The following ZFHX2 variants were observed in gnomAD, a reference collection of about 807,000 sequenced individuals.
ZFHX2 encodes the protein zinc finger homeobox 2, also known as zinc finger homeobox protein 2.
A neutral mutation model predicts 164.8 loss-of-function variants in ZFHX2; 75 were observed. That is an observed-to-expected ratio of 0.46 (90% confidence interval 0.38 to 0.55). ZFHX2 has a LOEUF of 0.55. Ranked by LOEUF, ZFHX2 falls within the 20% of genes least tolerant of loss-of-function variation. The pLI is 0.00. For missense variants in ZFHX2, 2,933 were observed against 3,308.0 expected, an observed-to-expected ratio of 0.89 and a Z score of 2.78; for synonymous variants, 1,217 against 1,351.4, an observed-to-expected ratio of 0.90 and a Z score of 2.18.
At chr14:23,547,408 G>C (rs1881503786) in intron 1 of ZFHX2, among the ~76,000 whole-genome samples, 1 of 152,200 alleles carries the variant, frequency 6.6e-6, no homozygotes, top group African/African-American at 2.4e-5. Context: ...GAATGGGGTG[G>C]GGATGCTACT....
At chr14:23,540,940 C>T (rs1204797537) in intron 1 of ZFHX2, among the ~76,000 whole-genome samples, 1 of 151,706 alleles carries the variant, frequency 6.6e-6, no homozygotes, top group East Asian at 1.9e-4. Flanking sequence ...GAGTCTCGCT[C>T]TGTCACCCAG....
In ZFHX2 at chr14:23,534,230, C is replaced by T. The variant is rs1330795565; in HGVS notation, c.1096G>A (p.Ala366Thr). ...SPTQAKESPV[A>T]AGEAGPDWFP... ...CAATCTGGCCCTGCCTCGCCTGCTG[C>T]TACTGGCGATTCTTTGGCTTGGGTT... Residue 366 changes from alanine to threonine, a missense_variant, in exon 2 of 10, where the codon GCA becomes ACA. Ala to Thr is a moderately conservative substitution (Grantham distance 58). Coordinates refer to ENST00000419474, the MANE Select transcript of ZFHX2 (RefSeq NM_033400.3). This position sits in a 1 kb window ranked among gnomAD's most constrained non-coding sequence, Gnocchi z 4.5. The T allele has an allele frequency of 1.3e-6, 2 of 1,516,894 alleles. No individual in the cohort carries two copies. Among genetic ancestry groups the T allele is most frequent in the Non-Finnish European group, 1.8e-6 (2 of 1,136,196 alleles). The allele number at this position is 1,516,894 out of a possible 1,614,324, so 94.0% of individuals were successfully genotyped here. A position where few individuals can be genotyped will look rare whatever the true frequency, so the allele number is the denominator to read the frequency against.
In ZFHX2 at chr14:23,520,907, G is replaced by C. The variant is rs528813618; in HGVS notation, c.*1055C>G. On this transcript the variant is annotated 3_prime_UTR_variant, in exon 10 of 10. Transcript: ENST00000419474. The surrounding 1 kb of genome is among the most constrained non-coding windows in gnomAD (Gnocchi z 8.7). ...TTTTTTCTGTATTTTCCAAGTTTAC[G>C]TTTTTCTTTAGTTCATTCCTCTGGT... is the stretch of plus-strand genomic sequence containing the variant. The C allele has an allele frequency of 1.3e-5, 2 of 150,000 alleles. No individual in the cohort carries two copies. The highest frequency in any genetic ancestry group is 2.5e-5 in the African/African-American group (1 of 40,378). 9.3% of individuals were successfully genotyped at this position (150,000 alleles called of 1,614,324 possible).
In ZFHX2 at chr14:23,535,413, C is replaced by T; in HGVS notation, c.-49-39G>A. 1 of 1,397,110 alleles carries T rather than the reference C, an allele frequency of 7.2e-7. No individual in the cohort carries two copies. Among genetic ancestry groups the T allele is most frequent in the Non-Finnish European group, 9.3e-7 (1 of 1,075,890 alleles). The allele number at this position is 1,397,110 out of a possible 1,614,324, so 86.5% of individuals were successfully genotyped here. ...AGGAGAGAGCAGTGCTGTGAGGCTG[C>T]AGGGACCCCAGCTGGGCAGCTGGAT... On this transcript the variant is annotated intron_variant, in intron 1 of 9. Coordinates refer to ENST00000419474, the MANE Select transcript of ZFHX2 (RefSeq NM_033400.3). The surrounding 1 kb of genome is among the most constrained non-coding windows in gnomAD (Gnocchi z 4.5).
intron 7 of ZFHX2, 139 bp from the exon 8 acceptor site, chr14:23,527,112 A>G: frequency 7.7e-7 from 1 of 1,295,648 alleles, no homozygotes; most frequent in South Asian, 1.9e-5. Context: ...CAAACCTCCC[A>G]CCTAATTGCT....
intron 7 of ZFHX2, among the ~76,000 whole-genome samples, chr14:23,527,349 C>T (rs1239583738): frequency 6.6e-6 from 1 of 152,188 alleles, no homozygotes; most frequent in Non-Finnish European, 1.5e-5. Flanking sequence ...TCTCTAAAAT[C>T]CAACTTCAAA....
chr14:23,533,026 T>A lies in ZFHX2; in HGVS notation c.2100A>T (p.Ser700=), dbSNP rs987293187. Residue 700 remains serine (S), a synonymous_variant, in exon 3 of 10, where the codon TCA becomes TCT. Transcript: ENST00000419474. This position sits in a 1 kb window ranked among gnomAD's most constrained non-coding sequence, Gnocchi z 4.8. ...HLPPSQLLGS[S]SDSLPTSPPP... ...GTGGTGAGGTGGGCAGGCTGTCAGA[T>A]GAGGAACCCAGGAGCTGACTTGGAG... 7 of 1,535,790 alleles carry A rather than the reference T, an allele frequency of 4.6e-6. No homozygotes were observed. The Admixed American group carries it at 1.4e-4, about 30-fold the overall frequency.
rs1445773665 is a variant in ZFHX2 at position 23,532,863 on chromosome 14, C to A, written c.2263G>T (p.Gly755Cys). ...LPEAEWKEVA[G>C]DTHRCKLCCY... is the part of the protein sequence containing the mutation. ...CAAAGCTTGCAGCGGTGGGTGTCAC[C>A]AGCCACCTCCTTCCATTCAGCTTCC... Residue 755 changes from glycine (G) to cysteine (C), a missense_variant, in exon 3 of 10, where the codon GGT (glycine) becomes TGT (cysteine). By Grantham distance (159) the Gly-to-Cys change is radical. Coordinates refer to ENST00000419474, the MANE Select transcript of ZFHX2 (RefSeq NM_033400.3). The A allele has an allele frequency of 6.5e-7, 1 of 1,536,118 alleles. No homozygotes were observed. The highest frequency in any genetic ancestry group is 2.4e-5 in the East Asian group (1 of 40,934).
chr14:23,552,123 T>TC (rs988320033), upstream of ZFHX2, among the ~76,000 whole-genome samples: 4 of 151,356 alleles, frequency 2.6e-5, no homozygotes, highest in Non-Finnish European at 5.9e-5. Flanking sequence ...CTCCCCCATC[T>TC]CCCCCCGCGA....
intron 1 of ZFHX2, among the ~76,000 whole-genome samples, chr14:23,538,683 C>T (rs74867448): frequency 0.016 from 2,403 of 152,174 alleles, 66 homozygotes; most frequent in African/African-American, 0.055. Flanking sequence ...ACAAGGCGAC[C>T]CCTGAAAGGC....
rs766572697 is a variant in ZFHX2 at position 23,522,236 on chromosome 14, C to A, written c.7445G>T (p.Gly2482Val). ...SFCFFGRGSG[G>V]SMPPPLRVPI... Reference sequence around the variant, plus strand: ...CACCCGCAATGGGGGTGGCATGGAGCCCCCAGAGCCCCGCCCAAAGAAGCA... The same window carrying A: ...CACCCGCAATGGGGGTGGCATGGAGACCCCAGAGCCCCGCCCAAAGAAGCA... The change falls in exon 10 of 10, where the codon GGC becomes GTC. Residue 2482 changes from glycine to valine, a missense_variant. Coordinates refer to ENST00000419474, the MANE Select transcript of ZFHX2 (RefSeq NM_033400.3). The A allele has an allele frequency of 6.8e-6, 10 of 1,474,818 alleles. No homozygotes were observed. Among genetic ancestry groups the A allele is most frequent in the Non-Finnish European group, 9.0e-6 (10 of 1,115,216 alleles). The allele number at this position is 1,474,818 out of a possible 1,614,324, so 91.4% of individuals were successfully genotyped here. A position where few individuals can be genotyped will look rare whatever the true frequency, so the allele number is the denominator to read the frequency against.
rs1172822996 is a variant in ZFHX2 at position 23,523,867 on chromosome 14, G to A, written c.6075C>T (p.Leu2025=). The A allele has an allele frequency of 6.5e-7, 1 of 1,536,186 alleles. No homozygotes were observed. The highest frequency in any genetic ancestry group is 2.0e-5 in the Admixed American group (1 of 51,000). Residue 2025 remains leucine (L), a synonymous_variant, in exon 9 of 10, where the codon CTC becomes CTT. Transcript: ENST00000419474. The surrounding 1 kb of genome is among the most constrained non-coding windows in gnomAD (Gnocchi z 4.1). The part of the protein sequence containing the change: ...KASPESEACS[L]SAGDLSDSSA... ...ATGAATCACTCAGATCTCCTGCAGA[G>A]AGACTGCAAGCCTCACTCTCTGGAG... is the stretch of plus-strand genomic sequence containing the variant.
Position 23,525,302 on chromosome 14 carries a change from T to A in ZFHX2, c.4640A>T (p.His1547Leu). 1 of 1,535,928 alleles carries A rather than the reference T, an allele frequency of 6.5e-7. No individual in the cohort carries two copies. The highest frequency in any genetic ancestry group is 8.7e-7 in the Non-Finnish European group (1 of 1,146,858). ...TGGGACCAGGAAGGGTGGGCCCAGA[T>A]GGGGAACAGGTGAATCCAGAGACCC... ...PDGSLDSPVP[H>L]LGPPFLVPEP... Residue 1547 changes from histidine to leucine, a missense_variant, in exon 9 of 10, where the codon CAT becomes CTT. Transcript: ENST00000419474. This position sits in a 1 kb window ranked among gnomAD's most constrained non-coding sequence, Gnocchi z 5.9.
rs538731932 is a variant in ZFHX2, at chr14:23,522,811, T to C, written c.6870A>G (p.Thr2290=). The change falls in exon 10 of 10, where the codon ACA becomes ACG. Residue 2290 remains threonine, a synonymous_variant. Coordinates refer to ENST00000419474, the MANE Select transcript of ZFHX2 (RefSeq NM_033400.3). ...CTGGGACAGGGTCAGTGGTGCCTGCTGTGGAGGTGTTGGTTTGGTCGGGCA... is the reference window on the plus strand; with the variant it reads ...CTGGGACAGGGTCAGTGGTGCCTGCCGTGGAGGTGTTGGTTTGGTCGGGCA... The part of the protein sequence containing the change: ...RPMPDQTNTS[T]AGTTDPVPGP... The C allele has an allele frequency of 1.6e-5, 25 of 1,535,976 alleles. No individual in the cohort carries two copies. The East Asian group carries it at 6.1e-4, about 38-fold the overall frequency.
At chr14:23,550,246 T>C (rs182559014) in intron 1 of ZFHX2, among the ~76,000 whole-genome samples, 78 of 152,326 alleles carry the variant, frequency 5.1e-4, no homozygotes, top group Non-Finnish European at 1.5e-4. Context: ...GTCCTGGCCA[T>C]GCTGAAGGCA....
In ZFHX2 at chr14:23,523,174, G is replaced by T. The variant is rs150749465; in HGVS notation, c.6739+29C>A. On this transcript the variant is annotated intron_variant, in intron 9 of 9. Transcript: ENST00000419474. This position sits in a 1 kb window ranked among gnomAD's most constrained non-coding sequence, Gnocchi z 4.1. Reference sequence around the variant, plus strand: ...TCATTAGAGGGGGATGTTCTCTGAAGTCCAGCTCCTCCCAGCCTCCCTACT... The same window carrying T: ...TCATTAGAGGGGGATGTTCTCTGAATTCCAGCTCCTCCCAGCCTCCCTACT... 7.4e-5 allele frequency: 104 copies of T among 1,413,446 alleles called. 1 individual carries two copies. The East Asian group carries it at 2.5e-3, about 34-fold the overall frequency. The allele number at this position is 1,413,446 out of a possible 1,614,324, so 87.6% of individuals were successfully genotyped here. A position where few individuals can be genotyped will look rare whatever the true frequency, so the allele number is the denominator to read the frequency against.
chr14:23,528,797 TC>T (rs1879128006), intron 6 of ZFHX2: 6 of 985,378 alleles, frequency 6.1e-6, no homozygotes, highest in Non-Finnish European at 7.2e-6. Flanking sequence ...CAGCCACACT[TC>T]CAGAGGGGTG....
chr14:23,536,461 A>G (rs1308472875), intron 1 of ZFHX2, among the ~76,000 whole-genome samples: 1 of 152,178 alleles, frequency 6.6e-6, no homozygotes, highest in African/African-American at 2.4e-5. Context: ...TGTGGAACAG[A>G]TGGGAGCTTC....
chr14:23,535,208 C>A lies in ZFHX2; in HGVS notation c.118G>T (p.Asp40Tyr). ...SSTPSDPVTK[D>Y]PPAASSTSEN... Reference sequence around the variant, plus strand: ...GAGGTGGAGGAGGCAGCAGGGGGATCTTTGGTGACAGGATCAGAGGGGGTG... The same window carrying A: ...GAGGTGGAGGAGGCAGCAGGGGGATATTTGGTGACAGGATCAGAGGGGGTG... The change falls in exon 2 of 10, where the codon GAT becomes TAT. Residue 40 changes from aspartate (D) to tyrosine (Y), a missense_variant. By Grantham distance (160) the Asp-to-Tyr change is radical. Transcript: ENST00000419474. The surrounding 1 kb of genome is among the most constrained non-coding windows in gnomAD (Gnocchi z 4.5). The A allele has an allele frequency of 6.5e-7, 1 of 1,529,040 alleles. No individual in the cohort carries two copies. Among genetic ancestry groups the A allele is most frequent in the Non-Finnish European group, 8.8e-7 (1 of 1,141,054 alleles). The allele number at this position is 1,529,040 out of a possible 1,614,324, so 94.7% of individuals were successfully genotyped here. A position where few individuals can be genotyped will look rare whatever the true frequency, so the allele number is the denominator to read the frequency against.
Sources: gnomAD v4.1 joint callset for allele counts (sites outside exome capture counted in the v4.1 genomes callset) on GRCh38, gnomAD v4.1.1 for gene constraint, Gnocchi (gnomAD v3.1) non-coding constraint, MANE v1.5 for transcripts, NCBI Gene and HGNC (gene_info 2026-07-23, HGNC 2026-07-21) for gene names.